ALAD: variants seen among roughly 807,000 people sequenced by gnomAD.
ALAD encodes delta-aminolevulinic acid dehydratase.
ALAD carries 20 observed loss-of-function variants against 44.4 expected under a neutral mutation model. The ratio of observed to expected loss-of-function variants is 0.45; its 90% CI spans 0.32 to 0.65. The LOEUF is 0.65. ALAD is among the 30% of genes least tolerant of loss of function. The pLI is 0.05. For synonymous variants in ALAD, 156 were observed against 167.9 expected (o/e 0.93, Z 0.55); for missense variants, 323 against 445.7 (o/e 0.72, Z 2.48).
At chr9:113,397,840 G>A (rs1236659237) in intron 1 of ALAD, among the ~76,000 whole-genome samples, 1 of 152,024 alleles carries the variant, frequency 6.6e-6, no homozygotes, top group East Asian at 1.9e-4. Flanking sequence ...GGCCAGGCTG[G>A]TCTCAAACTC....
At chr9:113,393,141 G>T (rs1054403545) in intron 2 of ALAD, 2 of 400,820 alleles carry the variant, frequency 5.0e-6, no homozygotes, top group Non-Finnish European at 9.4e-6. Context: ...TCTCTTACAG[G>T]TACATAGCAC....
At chr9:113,395,239 A>G (rs1827696049) in intron 1 of ALAD, among the ~76,000 whole-genome samples, 1 of 152,192 alleles carries the variant, frequency 6.6e-6, no homozygotes, top group Non-Finnish European at 1.5e-5. Flanking sequence ...CACGAGCACA[A>G]GCTACACCTT....
chr9:113,391,619 C>T lies in ALAD; in HGVS notation c.169G>A (p.Gly57Ser), dbSNP rs1312532984. Residue 57 changes from glycine to serine, a missense_variant, in exon 4 of 12, where the codon GGT becomes AGT. Gly to Ser is a moderately conservative substitution (Grantham distance 56, BLOSUM62 0). Coordinates refer to ENST00000409155, the MANE Select transcript of ALAD (RefSeq NM_000031.6). ...ITSLPGVARY[G>S]VKRLEEMLRP... Reference sequence around the variant, plus strand: ...AGCATCTCTTCCAGCCGCTTCACACCATACCTGTGTGGGTGTGGGTAGAGG... The same window carrying T: ...AGCATCTCTTCCAGCCGCTTCACACTATACCTGTGTGGGTGTGGGTAGAGG... The T allele has an allele frequency of 6.2e-7, 1 of 1,613,112 alleles. No homozygotes were observed. Among genetic ancestry groups the T allele is most frequent in the African/African-American group, 1.3e-5 (1 of 74,922 alleles).
intron 2 of ALAD, 56 bp from the exon 3 acceptor site, chr9:113,392,225 G>A (rs776064440): frequency 3.7e-6 from 6 of 1,612,534 alleles, no homozygotes; most frequent in South Asian, 2.2e-5. Flanking sequence ...CCAGTGGTGC[G>A]GGGGCGACTG....
Position 113,388,104 on chromosome 9 carries a change from C to T in ALAD, c.*196G>A, listed in dbSNP as rs1827454496. On this transcript the variant is annotated 3_prime_UTR_variant, in exon 12 of 12. Transcript: ENST00000409155. The stretch of plus-strand genomic sequence containing the variant: ...GGAGGGGCGGGGAAGCTTGGGAGAG[C>T]TCATAGGATGCAGCTGCGAGTTACA... 6.2e-6 allele frequency: 4 copies of T among 644,020 alleles called. No individual in the cohort carries two copies. The highest frequency in any genetic ancestry group is 8.4e-6 in the Non-Finnish European group (3 of 355,212). The allele number at this position is 644,020 out of a possible 1,614,324, so 39.9% of individuals were successfully genotyped here. A position where few individuals can be genotyped will look rare whatever the true frequency, so the allele number is the denominator to read the frequency against.
intron 2 of ALAD, chr9:113,393,017 A>C: frequency 5.6e-6 from 1 of 178,184 alleles, no homozygotes; most frequent in Admixed American, 5.5e-5. Context: ...ACAGGGTTTC[A>C]CCATATTAGC....
At chr9:113,399,710 G>A (rs772399779) in intron 1 of ALAD, among the ~76,000 whole-genome samples, 3 of 152,202 alleles carry the variant, frequency 2.0e-5, no homozygotes, top group Non-Finnish European at 4.4e-5. Context: ...GGGGCTATGA[G>A]CTTCATGTGC....
chr9:113,388,295 C>T lies in ALAD; in HGVS notation c.*5G>A. The T allele has an allele frequency of 6.2e-7, 1 of 1,614,180 alleles. No individual in the cohort carries two copies. The highest frequency in any genetic ancestry group is 1.3e-5 in the African/African-American group (1 of 75,060). ...TTCTAGTTCTTGGGCCTGGCACTGT[C>T]TCCATCATTCCTCCTTCAGCCACTG... On this transcript the variant is annotated 3_prime_UTR_variant, in exon 12 of 12. Coordinates refer to ENST00000409155, the MANE Select transcript of ALAD (RefSeq NM_000031.6).
chr9:113,391,081 A>G (rs1452525613), intron 4 of ALAD, 148 bp from the exon 5 acceptor site: 2 of 1,080,246 alleles, frequency 1.9e-6, no homozygotes, highest in Non-Finnish European at 2.7e-6. Flanking sequence ...CTGACCCTAC[A>G]TGGGTGCTGA....
chr9:113,387,515 C>T lies in ALAD; in HGVS notation c.*785G>A, dbSNP rs1827429425. On this transcript the variant is annotated 3_prime_UTR_variant, in exon 12 of 12. Coordinates refer to ENST00000409155, the MANE Select transcript of ALAD (RefSeq NM_000031.6). ...TTCTTTGTTTTCTTCTTAGCTGTCT[C>T]CCCAATTCTCTTTGTATAATTTCTA... 1 of 152,288 alleles carries T rather than the reference C, an allele frequency of 6.6e-6. No homozygotes were observed. The highest frequency in any genetic ancestry group is 2.4e-5 in the African/African-American group (1 of 41,446). The allele number at this position is 152,288 out of a possible 1,614,324, so 9.4% of individuals were successfully genotyped here.
At chr9:113,389,710 G>A in intron 8 of ALAD, 24 bp from the exon 9 acceptor site, 1 of 1,614,172 alleles carries the variant, frequency 6.2e-7, no homozygotes, top group Non-Finnish European at 8.5e-7. Flanking sequence ...TCATCAGGGT[G>A]GGCTCCAGCT....
chr9:113,398,843 T>A (rs62577764), intron 1 of ALAD, among the ~76,000 whole-genome samples: 11 of 152,120 alleles, frequency 7.2e-5, no homozygotes, highest in Admixed American at 2.0e-4. Context: ...ATTCTGTGAG[T>A]GGGAAAACAC....
In ALAD at chr9:113,387,559, T is replaced by C. The variant is rs1827431847; in HGVS notation, c.*741A>G. 1 of 152,518 alleles carries C rather than the reference T, an allele frequency of 6.6e-6. No homozygotes were observed. The highest frequency in any genetic ancestry group is 2.1e-4 in the South Asian group (1 of 4,834). The allele number at this position is 152,518 out of a possible 1,614,324, so 9.4% of individuals were successfully genotyped here. ...ATTTCTATGAAGAGATAAGCTGAGG[T>C]CTGTCCTGCTGTATTCCCAGGACCC... On this transcript the variant is annotated 3_prime_UTR_variant, in exon 12 of 12. Coordinates refer to ENST00000409155, the MANE Select transcript of ALAD (RefSeq NM_000031.6).
intron 1 of ALAD, among the ~76,000 whole-genome samples, chr9:113,399,021 A>G (rs1827798780): frequency 6.6e-6 from 1 of 152,180 alleles, no homozygotes; most frequent in Non-Finnish European, 1.5e-5. Flanking sequence ...TGAAGACAGG[A>G]GCGAGCCGCC....
intron 1 of ALAD, among the ~76,000 whole-genome samples, chr9:113,400,651 C>T (rs1399886664): frequency 1.3e-5 from 2 of 151,726 alleles, no homozygotes; most frequent in Non-Finnish European, 2.9e-5. Flanking sequence ...GGAGAAACCC[C>T]ATCTCTACTA....
Position 113,401,255 on chromosome 9 carries a change from T to C in ALAD, c.-119A>G, listed in dbSNP as rs1400055240. The C allele has an allele frequency of 6.6e-6, 1 of 152,362 alleles. No individual in the cohort carries two copies. Among genetic ancestry groups the C allele is most frequent in the African/African-American group, 2.4e-5 (1 of 41,102 alleles). 9.4% of individuals were successfully genotyped at this position (152,362 alleles called of 1,614,324 possible). ...CCGGCCGCTGCTCCTGTCACCGCTGTCTCCCGCTCCGGTCTCCCACAGACC... is the reference window on the plus strand; with the variant it reads ...CCGGCCGCTGCTCCTGTCACCGCTGCCTCCCGCTCCGGTCTCCCACAGACC... On this transcript the variant is annotated 5_prime_UTR_variant, in exon 1 of 12. Transcript: ENST00000409155.
intron 1 of ALAD, among the ~76,000 whole-genome samples, chr9:113,400,584 A>G: frequency 6.6e-6 from 1 of 152,316 alleles, no homozygotes; most frequent in African/African-American, 2.4e-5. Flanking sequence ...GCACTTTGGG[A>G]GGCCGAGGTG....
At chr9:113,395,185 G>A (rs765784067) in intron 1 of ALAD, among the ~76,000 whole-genome samples, 13 of 152,100 alleles carry the variant, frequency 8.5e-5, no homozygotes, top group Non-Finnish European at 1.6e-4. Context: ...ACACTGTATA[G>A]AGTGCCACCA....
rs777500783 is a variant in ALAD at position 113,388,399 on chromosome 9, G to A, written c.932-38C>T. 32 of 1,594,078 alleles carry A rather than the reference G, an allele frequency of 2.0e-5. No individual in the cohort carries two copies. In the Middle Eastern group the frequency reaches 1.5e-3, roughly 74 times the overall value. On this transcript the variant is annotated intron_variant, in intron 11 of 11. Coordinates refer to ENST00000409155, the MANE Select transcript of ALAD (RefSeq NM_000031.6). ...AGATGCAGAAAGTTGCTGGGGGGAC[G>A]CTGATCAGCTCTGAGCACACCTTCT...
Sources: allele counts gnomAD v4.1 joint callset (sites outside exome capture counted in the v4.1 genomes callset), GRCh38; gene constraint gnomAD v4.1.1; transcripts MANE v1.5; gene names NCBI Gene and HGNC (gene_info 2026-07-23, HGNC 2026-07-21).